TM9SF4: variants seen among roughly 807,000 people sequenced by gnomAD.
The protein encoded by TM9SF4 is transmembrane 9 superfamily member 4.
TM9SF4 carries 26 observed loss-of-function variants against 90.4 expected under a neutral mutation model. The observed-to-expected ratio is 0.29, with a 90% CI of 0.21 to 0.40. The LOEUF is 0.40. Among genes scored for constraint, TM9SF4 ranks in the 10% least tolerant of loss-of-function variants. The pLI, the probability that TM9SF4 is intolerant of heterozygous loss-of-function variation, is 1.00. For missense variants in TM9SF4, 549 were observed against 834.8 expected, an observed-to-expected ratio of 0.66 and a Z score of 4.22; for synonymous variants, 293 against 315.4, an observed-to-expected ratio of 0.93 and a Z score of 0.75.
intron 2 of TM9SF4, 21 bp from the exon 3 acceptor site, chr20:32,136,052 GT>G: frequency 6.2e-7 from 1 of 1,611,138 alleles, no homozygotes; most frequent in Non-Finnish European, 8.5e-7. Context: ...GGTCATCTTG[GT>G]TTCTGCTGGA....
intron 1 of TM9SF4, among the ~76,000 whole-genome samples, chr20:32,118,975 A>G (rs1365533231): frequency 6.6e-6 from 1 of 151,738 alleles, no homozygotes; most frequent in African/African-American, 2.4e-5. Context: ...GGAAAAGAGT[A>G]TTAAAAAGCT....
chr20:32,126,576 A>G (rs1358404737), intron 1 of TM9SF4, among the ~76,000 whole-genome samples: 2 of 152,082 alleles, frequency 1.3e-5, no homozygotes, highest in African/African-American at 2.4e-5. Context: ...TTAGCCTCTT[A>G]ACTTGCTGAG....
chr20:32,155,037 G>A (rs1436313056), intron 12 of TM9SF4, 66 bp from the exon 13 acceptor site: 3 of 1,319,566 alleles, frequency 2.3e-6, no homozygotes, highest in African/African-American at 2.9e-5. Context: ...TGGTCTGGGG[G>A]CCCCACCGGG....
chr20:32,141,673 G>A lies in TM9SF4; in HGVS notation c.398+8G>A, dbSNP rs143456244. ...AGACTACTACGTCCACCTGTAAGTC[G>A]CCCTGTGCTCCTTGCTGCCTCAGGC... On this transcript the variant is annotated splice_region_variant and intron_variant, in intron 4 of 17. Coordinates refer to ENST00000398022, the MANE Select transcript of TM9SF4 (RefSeq NM_014742.4). 5.4e-5 allele frequency: 87 copies of A among 1,613,834 alleles called. No individual in the cohort carries two copies. The East Asian group carries it at 1.6e-3, about 30-fold the overall frequency.
intron 1 of TM9SF4, among the ~76,000 whole-genome samples, chr20:32,120,564 A>G (rs748621992): frequency 2.0e-5 from 3 of 152,062 alleles, no homozygotes; most frequent in Non-Finnish European, 2.9e-5. Flanking sequence ...CAATCATGTG[A>G]TCCGCAACTA....
intron 1 of TM9SF4, among the ~76,000 whole-genome samples, chr20:32,122,762 G>A (rs1436601592): frequency 2.6e-5 from 4 of 152,128 alleles, no homozygotes; most frequent in Admixed American, 6.5e-5. Flanking sequence ...CTTCCCAGAC[G>A]GGGTGGCGGC....
intron 9 of TM9SF4, among the ~76,000 whole-genome samples, chr20:32,147,126 C>T (rs903444447): frequency 2.6e-5 from 4 of 151,830 alleles, no homozygotes; most frequent in Non-Finnish European, 4.4e-5. Context: ...ACTACAGGCA[C>T]GCACCACCAC....
chr20:32,149,859 G>C, intron 10 of TM9SF4, 93 bp downstream of exon 10: 1 of 1,544,764 alleles, frequency 6.5e-7, no homozygotes, highest in South Asian at 1.2e-5. Flanking sequence ...CCTGGAGAAA[G>C]GGAACCAAGC....
chr20:32,117,771 T>C, intron 1 of TM9SF4, among the ~76,000 whole-genome samples: 1 of 152,194 alleles, frequency 6.6e-6, no homozygotes, highest in East Asian at 1.9e-4. Context: ...GCTTCTAGAT[T>C]GCCATCACCT....
At chr20:32,148,436 G>A (rs1337885347) in intron 9 of TM9SF4, among the ~76,000 whole-genome samples, 31 of 152,132 alleles carry the variant, frequency 2.0e-4, no homozygotes, top group Non-Finnish European at 1.5e-5. Context: ...CTGTAAAACA[G>A]GCTGAGCATG....
intron 1 of TM9SF4, chr20:32,110,102 A>T: frequency 8.7e-7 from 1 of 1,149,440 alleles, no homozygotes; most frequent in Non-Finnish European, 1.1e-6. Context: ...CCCTCCCGTT[A>T]TTCTCATCCT....
At chr20:32,155,207 T>A (rs757524676) in intron 13 of TM9SF4, 21 bp downstream of exon 13, 1 of 1,597,298 alleles carries the variant, frequency 6.3e-7, no homozygotes, top group South Asian at 1.1e-5. Flanking sequence ...CCCCTACCCT[T>A]CCAGCCCCTC....
intron 13 of TM9SF4, among the ~76,000 whole-genome samples, chr20:32,156,578 A>G (rs1211940981): frequency 6.6e-6 from 1 of 152,178 alleles, no homozygotes; most frequent in East Asian, 1.9e-4. Context: ...TTGTTATACT[A>G]TATTGTTTTT....
In TM9SF4 at chr20:32,122,114, C is replaced by T. The variant is rs1445539219; in HGVS notation, c.16-10899C>T. Among the ~76,000 whole-genome samples the T allele has an allele frequency of 3.6e-5, 5 of 138,264 alleles. No individual in the cohort carries two copies. In the East Asian group the frequency reaches 6.9e-4, roughly 19 times the overall value. 90.7% of individuals were successfully genotyped at this position (138,264 alleles called of 152,430 possible). On this transcript the variant is annotated intron_variant, in intron 1 of 17. Coordinates refer to ENST00000398022, the MANE Select transcript of TM9SF4 (RefSeq NM_014742.4). ...CCCAGTAGGGGCGGCCGGGCAGAGGCGCCCCTCACCTCCCAGACGGGGCAG... is the reference window on the plus strand; with the variant it reads ...CCCAGTAGGGGCGGCCGGGCAGAGGTGCCCCTCACCTCCCAGACGGGGCAG...
chr20:32,129,638 G>C lies in TM9SF4; in HGVS notation c.16-3375G>C, dbSNP rs935452555. Among the ~76,000 whole-genome samples the C allele has an allele frequency of 9.3e-5, 13 of 140,452 alleles. No individual in the cohort carries two copies. The East Asian group carries it at 2.7e-3, about 29-fold the overall frequency. The allele number at this position is 140,452 out of a possible 152,430, so 92.1% of individuals were successfully genotyped here. Reference sequence around the variant, plus strand: ...TTTTGAAATAGAGTCTCCCTTTGTCGCCCAGGATGGAGTACAGCTCACTGC... The same window carrying C: ...TTTTGAAATAGAGTCTCCCTTTGTCCCCCAGGATGGAGTACAGCTCACTGC... On this transcript the variant is annotated intron_variant, in intron 1 of 17. Transcript: ENST00000398022.
intron 13 of TM9SF4, among the ~76,000 whole-genome samples, chr20:32,156,427 C>T (rs1316893394): frequency 6.6e-6 from 1 of 152,176 alleles, no homozygotes; most frequent in African/African-American, 2.4e-5. Flanking sequence ...GGTTCCAGGA[C>T]CCCTGAAGAT....
chr20:32,162,316 A>G (rs960247052), intron 17 of TM9SF4, among the ~76,000 whole-genome samples: 1 of 152,228 alleles, frequency 6.6e-6, no homozygotes, highest in African/African-American at 2.4e-5. Context: ...AAAGACTGGA[A>G]GGATCATTTA....
In TM9SF4 at chr20:32,158,428, G is replaced by A. The variant is rs367948938; in HGVS notation, c.1506-23G>A. The A allele has an allele frequency of 2.2e-5, 36 of 1,614,084 alleles. No homozygotes were observed. In the African/African-American group the frequency reaches 4.7e-4, roughly 21 times the overall value. ...TCCTGGTGGCCTGGTCTCTAACAAT[G>A]TCAACCTCTCGTTCTGTGGCAGCAT... is the stretch of plus-strand genomic sequence containing the variant. On this transcript the variant is annotated intron_variant, in intron 14 of 17. Coordinates refer to ENST00000398022, the MANE Select transcript of TM9SF4 (RefSeq NM_014742.4).
At chr20:32,163,268 A>AAAAAATATATATATAT (rs1555886757) in intron 17 of TM9SF4, among the ~76,000 whole-genome samples, 2 of 74,496 alleles carry the variant, frequency 2.7e-5, no homozygotes, top group African/African-American at 1.2e-4. Flanking sequence ...AAAAAAAAAA[A>AAAAAATATATATATAT]ATATATATAT....
Sources: gnomAD v4.1 joint callset for allele counts (sites outside exome capture counted in the v4.1 genomes callset) on GRCh38, gnomAD v4.1.1 for gene constraint, MANE v1.5 for transcripts, NCBI Gene and HGNC (gene_info 2026-07-23, HGNC 2026-07-21) for gene names.